FBXL19: variants seen among roughly 807,000 people sequenced by gnomAD.
FBXL19 encodes F-box/LRR-repeat protein 19.
FBXL19 carries 16 observed loss-of-function variants against 71.2 expected under a neutral mutation model. That is an observed-to-expected ratio of 0.22 (90% confidence interval 0.15 to 0.34). The LOEUF (loss-of-function observed/expected upper bound fraction) is 0.34. Among genes scored for constraint, FBXL19 ranks in the 10% least tolerant of loss-of-function variants. The pLI, the probability that FBXL19 is intolerant of heterozygous loss-of-function variation, is 1.00. For missense variants in FBXL19, 658 were observed against 968.2 expected (o/e 0.68, Z 4.25); for synonymous variants, 447 against 409.4 (o/e 1.09, Z -1.11).
intron 7 of FBXL19, among the ~76,000 whole-genome samples, chr16:30,936,619 T>C (rs2055737990): frequency 2.0e-5 from 3 of 149,084 alleles, no homozygotes; most frequent in Non-Finnish European, 4.5e-5. Context: ...TTTTTTTTTT[T>C]TGTTTTTTAG....
At chr16:30,941,500 A>G in intron 7 of FBXL19, among the ~76,000 whole-genome samples, 1 of 152,138 alleles carries the variant, frequency 6.6e-6, no homozygotes, top group Admixed American at 6.6e-5. Context: ...GGAAAACGCA[A>G]ATCTGCCCTT....
At chr16:30,928,676 C>T (rs201671986) in intron 6 of FBXL19, 48 bp downstream of exon 6, 105 of 1,445,354 alleles carry the variant, frequency 7.3e-5, no homozygotes, top group Middle Eastern at 2.4e-4. Flanking sequence ...CCTTGCCCCA[C>T]CCTTCACCCT....
At chr16:30,943,041 C>T (rs972835989) in intron 9 of FBXL19, among the ~76,000 whole-genome samples, 5 of 152,248 alleles carry the variant, frequency 3.3e-5, no homozygotes, top group Non-Finnish European at 5.9e-5. Flanking sequence ...AGGGCAAGCG[C>T]TGGCTGGTCC....
At position 30,946,960 on chromosome 16, in the gene FBXL19, C is replaced by G. The variant is rs1366990318; in HGVS notation, c.1846+12C>G. ...CCTCAATCTTGCTGGTAAGCACGGT[C>G]CCCCATCCGTCCTGCCAGCCTGTGG... On this transcript the variant is annotated intron_variant, in intron 10 of 10. Transcript: ENST00000338343. The surrounding 1 kb of genome is among the most constrained non-coding windows in gnomAD (Gnocchi z 6.7). 1 of 1,598,254 alleles carries G rather than the reference C, an allele frequency of 6.3e-7. No individual in the cohort carries two copies. The highest frequency in any genetic ancestry group is 1.3e-5 in the African/African-American group (1 of 74,792).
chr16:30,942,652 A>T lies in FBXL19; in HGVS notation c.1627+116A>T. 7.0e-7 allele frequency: 1 copy of T among 1,421,974 alleles called. No individual in the cohort carries two copies. Among genetic ancestry groups the T allele is most frequent in the Non-Finnish European group, 9.2e-7 (1 of 1,088,904 alleles). 88.1% of individuals were successfully genotyped at this position (1,421,974 alleles called of 1,614,324 possible). ...AAAGTATTTGAAGAAAGGAAAGAAT[A>T]CATGAGTTTGAATAGGAAGGCCCTG... On this transcript the variant is annotated intron_variant, in intron 9 of 10. Coordinates refer to ENST00000338343, the MANE Select transcript of FBXL19 (RefSeq NM_001382779.1). The surrounding 1 kb of genome is among the most constrained non-coding windows in gnomAD (Gnocchi z 5.7).
chr16:30,932,463 C>A (rs1047903338), intron 7 of FBXL19, among the ~76,000 whole-genome samples: 3 of 152,308 alleles, frequency 2.0e-5, no homozygotes, highest in African/African-American at 7.2e-5. Flanking sequence ...TCTGCTTCAA[C>A]GGGAGACGTG....
Position 30,942,069 on chromosome 16 carries a change from C to G in FBXL19, c.1302-47C>G. On this transcript the variant is annotated intron_variant, in intron 7 of 10. Transcript: ENST00000338343. The surrounding 1 kb of genome is among the most constrained non-coding windows in gnomAD (Gnocchi z 5.7). Reference sequence around the variant, plus strand: ...TGGGGAGCCTGGGAACTGTGGGCTGCTGAGAGCTGAGGGCTGAGGTCTCTG... The same window carrying G: ...TGGGGAGCCTGGGAACTGTGGGCTGGTGAGAGCTGAGGGCTGAGGTCTCTG... 1 of 1,483,092 alleles carries G rather than the reference C, an allele frequency of 6.7e-7. No individual in the cohort carries two copies. The allele number at this position is 1,483,092 out of a possible 1,614,324, so 91.9% of individuals were successfully genotyped here.
At chr16:30,923,045 C>T (rs146780755), upstream of FBXL19, 6 of 456,898 alleles carry the variant, frequency 1.3e-5, no homozygotes, top group Non-Finnish European at 2.6e-5. Context: ...GTGTATGTCC[C>T]TCTTCCGCCA....
chr16:30,932,719 A>G (rs1268794117), intron 7 of FBXL19, among the ~76,000 whole-genome samples: 3 of 152,144 alleles, frequency 2.0e-5, no homozygotes, highest in Non-Finnish European at 2.9e-5. Context: ...GCACCTCCCA[A>G]TGAAAAGGAC....
chr16:30,925,747 C>G lies in FBXL19; in HGVS notation c.-8C>G, dbSNP rs551914906. 1 of 1,488,134 alleles carries G rather than the reference C, an allele frequency of 6.7e-7. No homozygotes were observed. Among genetic ancestry groups the G allele is most frequent in the African/African-American group, 1.5e-5 (1 of 68,588 alleles). The allele number at this position is 1,488,134 out of a possible 1,614,324, so 92.2% of individuals were successfully genotyped here. A position where few individuals can be genotyped will look rare whatever the true frequency, so the allele number is the denominator to read the frequency against. On this transcript the variant is annotated 5_prime_UTR_variant, in exon 2 of 11. Transcript: ENST00000338343. The surrounding 1 kb of genome is among the most constrained non-coding windows in gnomAD (Gnocchi z 5.0). ...CACCTACAGCCCTCGGCGTTGCTGA[C>G]GCCCCCAATGTCGTCGAGCAGCCGG...
chr16:30,923,571 G>A (rs1036772169), upstream of FBXL19, among the ~76,000 whole-genome samples: 10 of 137,392 alleles, frequency 7.3e-5, no homozygotes, highest in Non-Finnish European at 6.4e-5. Flanking sequence ...GGGGAGGGGG[G>A]AAGAGAGGAG....
chr16:30,924,586 C>T, intron 1 of FBXL19, 127 bp downstream of exon 1: 1 of 1,354,862 alleles, frequency 7.4e-7, no homozygotes, highest in Non-Finnish European at 9.4e-7. Context: ...AACTCATCTC[C>T]AGCCCTCCTT....
chr16:30,927,866 G>A lies in FBXL19; in HGVS notation c.530G>A (p.Gly177Asp). The change falls in exon 5 of 11, where the codon GGC becomes GAC. Residue 177 changes from glycine to aspartate, a missense_variant. Physicochemically the swap from Gly to Asp is moderately conservative, Grantham distance 94. This residue lies in a region of FBXL19 where 447 missense variants were observed against 515.4 expected (regional missense o/e 0.87). Coordinates refer to ENST00000338343, the MANE Select transcript of FBXL19 (RefSeq NM_001382779.1). ...PLPPPPPRRK[G>D]PLPAGPPPED... ...CCACCGCCCCCGCCCAGGCGCAAGG[G>A]CCCCCTGCCTGCCGGGCCCCCCCCG... 6.5e-7 allele frequency: 1 copy of A among 1,529,336 alleles called. No homozygotes were observed. Among genetic ancestry groups the A allele is most frequent in the Non-Finnish European group, 8.8e-7 (1 of 1,139,974 alleles). The allele number at this position is 1,529,336 out of a possible 1,614,324, so 94.7% of individuals were successfully genotyped here. A position where few individuals can be genotyped will look rare whatever the true frequency, so the allele number is the denominator to read the frequency against.
intron 7 of FBXL19, among the ~76,000 whole-genome samples, chr16:30,934,979 A>T (rs2055715581): frequency 6.6e-6 from 1 of 152,186 alleles, no homozygotes; most frequent in Admixed American, 6.5e-5. Context: ...CTAGCCAGAT[A>T]ATTGGAGGAG....
chr16:30,938,326 G>A (rs1466942671), intron 7 of FBXL19, among the ~76,000 whole-genome samples: 1 of 152,000 alleles, frequency 6.6e-6, no homozygotes, highest in Non-Finnish European at 1.5e-5. Flanking sequence ...ACAAGCTTGG[G>A]CAACATAGTG....
rs902175632 is a variant in FBXL19 at position 30,947,339 on chromosome 16, G to A, written c.*109G>A. The A allele has an allele frequency of 2.5e-5, 24 of 965,078 alleles. No individual in the cohort carries two copies. The Admixed American group carries it at 6.6e-4, about 27-fold the overall frequency. The allele number at this position is 965,078 out of a possible 1,614,324, so 59.8% of individuals were successfully genotyped here. On this transcript the variant is annotated 3_prime_UTR_variant, in exon 11 of 11. Coordinates refer to ENST00000338343, the MANE Select transcript of FBXL19 (RefSeq NM_001382779.1). Reference sequence around the variant, plus strand: ...CACCTCACCACCCTGGGATTCCTGAGTGTCAGTGACTTGGGATTCCCACCC... The same window carrying A: ...CACCTCACCACCCTGGGATTCCTGAATGTCAGTGACTTGGGATTCCCACCC...
upstream of FBXL19, chr16:30,923,059 T>C (rs2055541271): frequency 2.2e-6 from 1 of 456,842 alleles, no homozygotes; most frequent in Non-Finnish European, 4.4e-6. Flanking sequence ...TCCGCCATCT[T>C]GCTTGTAGTC....
intron 9 of FBXL19, among the ~76,000 whole-genome samples, chr16:30,945,710 G>T (rs529027933): frequency 6.7e-6 from 1 of 149,920 alleles, no homozygotes; most frequent in Non-Finnish European, 1.5e-5. Context: ...GGTGGCTCAG[G>T]CCTGTAATCC....
rs2055652114 is a variant in FBXL19 at position 30,930,096 on chromosome 16, T to G, written c.813T>G (p.Ser271=). The change falls in exon 7 of 11, where the codon TCT becomes TCG. Residue 271 remains serine, a synonymous_variant. Coordinates refer to ENST00000338343, the MANE Select transcript of FBXL19 (RefSeq NM_001382779.1). The surrounding 1 kb of genome is among the most constrained non-coding windows in gnomAD (Gnocchi z 8.5). ...NWEKPKPPLA[S]AEGPAVPSPS... is the part of the protein sequence containing the mutation. ...AGAAACCAAAGCCGCCTTTGGCCTC[T>G]GCAGAGGGCCCAGCGGTGCCGTCCC... is the stretch of plus-strand genomic sequence containing the variant. The G allele has an allele frequency of 1.2e-6, 2 of 1,613,216 alleles. No homozygotes were observed. Among genetic ancestry groups the G allele is most frequent in the East Asian group, 4.5e-5 (2 of 44,880 alleles).
Sources: allele counts gnomAD v4.1 joint callset (sites outside exome capture counted in the v4.1 genomes callset), GRCh38; gene constraint gnomAD v4.1.1; regional missense constraint gnomAD v4.1.1; non-coding constraint Gnocchi (gnomAD v3.1); transcripts MANE v1.5; gene names NCBI Gene and HGNC (gene_info 2026-07-23, HGNC 2026-07-21).